PDE4DIP: variants seen among roughly 807,000 people sequenced by gnomAD.
The protein encoded by PDE4DIP is phosphodiesterase 4D interacting protein.
Under a neutral mutation model 221.4 loss-of-function variants are expected in PDE4DIP, and 59 were observed. The observed-to-expected ratio is 0.27, with a 90% CI of 0.22 to 0.33. The LOEUF (loss-of-function observed/expected upper bound fraction) is 0.33. Ranked by LOEUF, PDE4DIP falls within the 10% of genes least tolerant of loss-of-function variation. PDE4DIP has a pLI of 1.00. For synonymous variants in PDE4DIP, 404 were observed against 815.9 expected (o/e 0.50, Z 8.60); for missense variants, 1,036 against 2,154.2 (o/e 0.48, Z 10.28).
intron 6 of PDE4DIP, 59 bp downstream of exon 9, chr1:148,960,844 C>G (rs2056755152): frequency 3.9e-6 from 2 of 517,526 alleles, no homozygotes; most frequent in South Asian, 2.9e-5. Context: ...GTGACTGGCT[C>G]TAGCCTGAGT....
intron 23 of PDE4DIP, among the ~76,000 whole-genome samples, chr1:149,000,339 G>A (rs2065325324): frequency 6.6e-6 from 1 of 152,170 alleles, no homozygotes; most frequent in Non-Finnish European, 1.5e-5. Flanking sequence ...CGGATCACCT[G>A]AGGTCAGGAG....
At chr1:148,985,430 C>T (rs587717562) in intron 21 of PDE4DIP, 2 of 152,112 alleles carry the variant, frequency 1.3e-5, no homozygotes, top group Non-Finnish European at 2.9e-5. Context: ...CCCTTTGCAC[C>T]AGTAGCTTTG....
intron 1 of PDE4DIP, among the ~76,000 whole-genome samples, chr1:148,838,732 G>T (rs1674246932): frequency 9.7e-6 from 1 of 103,024 alleles, no homozygotes; most frequent in Non-Finnish European, 2.2e-5. Context: ...TTGAAATTCT[G>T]CTGAAAATCT....
intron 17 of PDE4DIP, among the ~76,000 whole-genome samples, chr1:148,975,590 G>A (rs1268427325): frequency 1.3e-5 from 2 of 152,294 alleles, no homozygotes; most frequent in Non-Finnish European, 2.9e-5. Context: ...ACTCGCTCTA[G>A]CATAGAGTTC....
chr1:148,981,583 AAACTCACTTT>A, intron 21 of PDE4DIP, 186 bp downstream of exon 24: 1 of 645,236 alleles, frequency 1.5e-6, no homozygotes, highest in East Asian at 2.9e-5. Flanking sequence ...CTACAAAGTG[AAACTCACTTT>A]AGCCTACATG....
intron 6 of PDE4DIP, among the ~76,000 whole-genome samples, chr1:148,961,200 C>T (rs1698656): frequency 1.7e-4 from 26 of 152,170 alleles, no homozygotes; most frequent in African/African-American, 5.1e-4. Context: ...CCCACCTACT[C>T]GGGAGGCTGA....
At chr1:149,028,913 C>A (rs2075946777) in intron 41 of PDE4DIP, among the ~76,000 whole-genome samples, 1 of 152,098 alleles carries the variant, frequency 6.6e-6, no homozygotes, top group Admixed American at 6.6e-5. Flanking sequence ...CATTCCCCAC[C>A]AGCCCCCTGT....
At chr1:148,998,028 T>C in intron 22 of PDE4DIP, 115 bp from the exon 26 acceptor site, 1 of 607,732 alleles carries the variant, frequency 1.6e-6, no homozygotes, top group Non-Finnish European at 2.9e-6. Flanking sequence ...GAGTTTATTT[T>C]AGATCTGCTT....
chr1:148,859,251 T>C (rs1396790688), intron 1 of PDE4DIP, among the ~76,000 whole-genome samples: 37 of 141,392 alleles, frequency 2.6e-4, no homozygotes, highest in Non-Finnish European at 3.9e-4. Flanking sequence ...TTAATCACCC[T>C]GGAAAGCCAT....
At chr1:148,930,700 G>A (rs2762727) in intron 2 of PDE4DIP, 6 of 149,676 alleles carry the variant, frequency 4.0e-5, no homozygotes, top group South Asian at 4.2e-4. Context: ...AGAAATCATA[G>A]ATGACACAAA....
chr1:149,001,943 G>A (rs1553578737), exon 24 of PDE4DIP: 1 of 1,497,834 alleles, frequency 6.7e-7, no homozygotes, highest in Admixed American at 1.7e-5. Flanking sequence ...CCAACACCAA[G>A]AGGAGGGGAA....
At chr1:148,924,004 A>C (rs1553464057) in intron 1 of PDE4DIP, among the ~76,000 whole-genome samples, 1 of 151,658 alleles carries the variant, frequency 6.6e-6, no homozygotes, top group African/African-American at 2.4e-5. Context: ...CAACGCTGAG[A>C]GGCAGTATCT....
rs1559277684 is a variant in PDE4DIP at position 149,005,118 on chromosome 1, C to T, written c.4096C>T (p.Gln1366Ter). 1 of 1,614,048 alleles carries T rather than the reference C, an allele frequency of 6.2e-7. No homozygotes were observed. Among genetic ancestry groups the T allele is most frequent in the Non-Finnish European group, 8.5e-7 (1 of 1,179,870 alleles). The change falls in exon 27 of 44, where the codon CAG becomes TAG. Residue 1366 changes from glutamine (Q) to a stop codon, truncating the protein, a stop_gained. Coordinates refer to ENST00000369354, the Ensembl canonical transcript of PDE4DIP. LOFTEE classifies it high-confidence loss of function. The stretch of plus-strand genomic sequence containing the variant: ...CATCAAAGATCTGAAGGCCCAGCTG[C>T]AGAATGCCAACAAGGTCATTCAAAA...
At chr1:148,917,853 A>G in intron 1 of PDE4DIP, among the ~76,000 whole-genome samples, 1 of 145,994 alleles carries the variant, frequency 6.8e-6, no homozygotes, top group Middle Eastern at 3.5e-3. Context: ...CAACCCTGAA[A>G]GGTAGGGGTA....
At chr1:148,981,523 A>G in intron 21 of PDE4DIP, 126 bp downstream of exon 24, 1 of 1,187,198 alleles carries the variant, frequency 8.4e-7, no homozygotes, top group Non-Finnish European at 1.2e-6. Flanking sequence ...TGATTTTGGC[A>G]GAATTAAACG....
In PDE4DIP at chr1:148,818,122, A is replaced by C. The variant is rs1279245136; in HGVS notation, c.233+9385A>C. 1.2e-4 allele frequency among the ~76,000 whole-genome samples: 18 copies of C among 148,366 alleles called. No individual in the cohort carries two copies. In the East Asian group the frequency reaches 2.5e-3, roughly 21 times the overall value. On this transcript the variant is annotated intron_variant, in intron 1 of 45. Transcript: ENST00000524974. ...AGGCACTGTGCCCCGCCCATGTATT[A>C]ATATTTTACTTCATTTTATCAATCT... is the stretch of plus-strand genomic sequence containing the variant.
rs587637531 is a variant in PDE4DIP at position 148,906,978 on chromosome 1, G to A, written c.141+17084G>A. On this transcript the variant is annotated intron_variant, in intron 1 of 43. Transcript: ENST00000369354. ...ACAGGAGAATTGCTTGAACCTGGGA[G>A]GCGGAGGTTGCAGTGTGCCAAGATC... Among the ~76,000 whole-genome samples, 4 of 151,356 alleles carry A rather than the reference G, an allele frequency of 2.6e-5. No individual in the cohort carries two copies. In the East Asian group the frequency reaches 7.7e-4, roughly 29 times the overall value.
At chr1:148,960,983 A>G (rs1553509226) in intron 6 of PDE4DIP, among the ~76,000 whole-genome samples, 198 bp downstream of exon 9, 1 of 152,162 alleles carries the variant, frequency 6.6e-6, no homozygotes, top group Non-Finnish European at 1.5e-5. Context: ...TACAGATCAT[A>G]ATTTCTGGTG....
chr1:148,992,063 A>G, intron 22 of PDE4DIP, 90 bp downstream of exon 25: 1 of 735,570 alleles, frequency 1.4e-6, no homozygotes, highest in Non-Finnish European at 2.4e-6. Context: ...TTGCGGACTT[A>G]GTGAGAAGAT....
Sources: gnomAD v4.1 joint callset for allele counts (sites outside exome capture counted in the v4.1 genomes callset) on GRCh38, gnomAD v4.1.1 for gene constraint, MANE v1.5 for transcripts, NCBI Gene and HGNC (gene_info 2026-07-23, HGNC 2026-07-21) for gene names.